Variants in MSRA observed in about 807,000 individuals in gnomAD.
The protein encoded by MSRA is mitochondrial peptide methionine sulfoxide reductase.
In MSRA, 54 loss-of-function variants were observed where a neutral mutation model predicts 31.3. The observed-to-expected ratio is 1.73, with a 90% CI of 1.39 to 2.17. The LOEUF (loss-of-function observed/expected upper bound fraction) is 2.17. Among genes scored for constraint, MSRA ranks in the 30% most tolerant of loss-of-function variants. MSRA has a pLI of 0.00. For missense variants in MSRA, 507 were observed against 300.9 expected (o/e 1.69, Z -5.07); for synonymous variants, 169 against 116.5 (o/e 1.45, Z -2.90).
At chr8:10,417,949 C>G (rs1276172446) in intron 5 of MSRA, among the ~76,000 whole-genome samples, 1 of 152,086 alleles carries the variant, frequency 6.6e-6, no homozygotes, top group African/African-American at 2.4e-5. Context: ...AGTCTAGAAT[C>G]CACATGCCCG....
chr8:10,354,097 C>T (rs1055862390), intron 5 of MSRA: 1 of 152,944 alleles, frequency 6.5e-6, no homozygotes, highest in African/African-American at 2.4e-5. Context: ...ATATGGTAAT[C>T]ATGAAATAGC....
chr8:10,272,313 C>G (rs1304306102), intron 3 of MSRA, among the ~76,000 whole-genome samples: 1 of 152,130 alleles, frequency 6.6e-6, no homozygotes, highest in African/African-American at 2.4e-5. Flanking sequence ...GTTCCAAGAT[C>G]TAAGCTGGAG....
intron 5 of MSRA, among the ~76,000 whole-genome samples, chr8:10,388,571 C>G (rs1346001506): frequency 6.6e-6 from 1 of 152,164 alleles, no homozygotes; most frequent in African/African-American, 2.4e-5. Flanking sequence ...CATCCGATCT[C>G]TCACTTTTCT....
chr8:10,067,867 T>C (rs1484812120), intron 1 of MSRA, among the ~76,000 whole-genome samples: 1 of 149,930 alleles, frequency 6.7e-6, no homozygotes, highest in Non-Finnish European at 1.5e-5. Context: ...GGTTGTTTTC[T>C]TACTGAGTTT....
At chr8:10,336,512 T>C (rs1165914627) in intron 5 of MSRA, among the ~76,000 whole-genome samples, 1 of 152,178 alleles carries the variant, frequency 6.6e-6, no homozygotes, top group Non-Finnish European at 1.5e-5. Flanking sequence ...TATGGTTATT[T>C]TTCCCTCTTG....
chr8:10,259,895 C>T (rs1798382171), intron 3 of MSRA, among the ~76,000 whole-genome samples: 1 of 152,208 alleles, frequency 6.6e-6, no homozygotes, highest in Non-Finnish European at 1.5e-5. Flanking sequence ...CTGCCCGCCT[C>T]ACCCCCTCTG....
intron 5 of MSRA, among the ~76,000 whole-genome samples, chr8:10,409,847 A>G (rs1283355237): frequency 1.3e-5 from 2 of 152,216 alleles, no homozygotes; most frequent in African/African-American, 2.4e-5. Flanking sequence ...GGATCACTTA[A>G]GGCTAGGAGT....
chr8:10,055,145 C>T (rs571740233), intron 1 of MSRA, among the ~76,000 whole-genome samples: 1 of 132,972 alleles, frequency 7.5e-6, no homozygotes, highest in Non-Finnish European at 1.6e-5. Flanking sequence ...AAGTGTGGAA[C>T]TGCGTCTCAG....
rs563077959 is a variant in MSRA, at chr8:10,103,128, A to G, written c.142+48470A>G. 1.6e-4 allele frequency among the ~76,000 whole-genome samples: 24 copies of G among 152,342 alleles called. 2 individuals carry two copies. In the South Asian group the frequency reaches 5.0e-3, roughly 32 times the overall value. The stretch of plus-strand genomic sequence containing the variant: ...TTAATTTAGAAAAATTATTTTTAAA[A>G]GGAGAGAATACGCTACCTGGGTAAG... On this transcript the variant is annotated intron_variant, in intron 1 of 5. Coordinates refer to ENST00000317173, the MANE Select transcript of MSRA (RefSeq NM_012331.5).
chr8:10,283,836 T>TATATATACACACACACACACAC (rs1261287031), intron 3 of MSRA, among the ~76,000 whole-genome samples: 38 of 53,144 alleles, frequency 7.2e-4, no homozygotes, highest in Non-Finnish European at 9.0e-4. Flanking sequence ...TATATATATA[T>TATATATACACACACACACACAC]ACACACACAC....
chr8:10,098,595 A>G (rs879508225), intron 1 of MSRA, among the ~76,000 whole-genome samples: 2 of 152,246 alleles, frequency 1.3e-5, no homozygotes, highest in Admixed American at 1.3e-4. Flanking sequence ...AGGCAGTACT[A>G]TAATGAGATT....
chr8:10,354,780 C>CAGTT (rs1354172830), intron 5 of MSRA, among the ~76,000 whole-genome samples: 1 of 129,080 alleles, frequency 7.7e-6, no homozygotes, highest in Non-Finnish European at 1.6e-5. Context: ...ATATATATAC[C>CAGTT]AGTTATATAA....
rs568085496 is a variant in MSRA at position 10,232,276 on chromosome 8, A to T, written c.212-12828A>T. Among the ~76,000 whole-genome samples, 12 of 152,322 alleles carry T rather than the reference A, an allele frequency of 7.9e-5. No homozygotes were observed. The South Asian group carries it at 2.5e-3, about 32-fold the overall frequency. ...AGCCTCCCTGTTGGTTTCCACTCTG[A>T]CAAGACAGACTGCTCTTCCTACCCC... On this transcript the variant is annotated intron_variant, in intron 2 of 5. Coordinates refer to ENST00000317173, the MANE Select transcript of MSRA (RefSeq NM_012331.5).
chr8:10,158,529 G>A (rs1804367787), intron 1 of MSRA, among the ~76,000 whole-genome samples: 1 of 152,228 alleles, frequency 6.6e-6, no homozygotes, highest in Non-Finnish European at 1.5e-5. Flanking sequence ...CATCTGTGTT[G>A]TAGCATGCAT....
chr8:10,181,176 C>G (rs1218078279), intron 1 of MSRA, among the ~76,000 whole-genome samples: 1 of 152,134 alleles, frequency 6.6e-6, no homozygotes, highest in African/African-American at 2.4e-5. Context: ...ATTATAATTT[C>G]AGATAGTGCT....
intron 1 of MSRA, among the ~76,000 whole-genome samples, chr8:10,188,627 T>A (rs1204335412): frequency 2.0e-5 from 3 of 152,222 alleles, no homozygotes; most frequent in Non-Finnish European, 4.4e-5. Flanking sequence ...CCCATTTAGA[T>A]ATACAGTTGT....
chr8:10,414,456 T>G (rs1808339251), intron 5 of MSRA, among the ~76,000 whole-genome samples: 1 of 152,228 alleles, frequency 6.6e-6, no homozygotes, highest in Non-Finnish European at 1.5e-5. Flanking sequence ...GCCAGGACTT[T>G]CCTAGCGTTG....
Position 10,351,962 on chromosome 8 carries a change from G to A in MSRA, c.543+31973G>A, listed in dbSNP as rs543575962. Among the ~76,000 whole-genome samples the A allele has an allele frequency of 7.9e-5, 12 of 152,336 alleles. No individual in the cohort carries two copies. In the South Asian group the frequency reaches 2.5e-3, roughly 32 times the overall value. On this transcript the variant is annotated intron_variant, in intron 5 of 5. Transcript: ENST00000317173. ...GAACCCAGCTGTGTGGTTGTTGACT[G>A]CGATGAGGATCGCACTGACTTAGAA...
chr8:10,345,709 C>A (rs1003383176), intron 5 of MSRA, among the ~76,000 whole-genome samples: 6 of 152,078 alleles, frequency 3.9e-5, no homozygotes, highest in African/African-American at 1.4e-4. Context: ...ATGAGAAGTG[C>A]GTTATTCGGG....
Sources: gnomAD v4.1 joint callset for allele counts (sites outside exome capture counted in the v4.1 genomes callset) on GRCh38, gnomAD v4.1.1 for gene constraint, MANE v1.5 for transcripts, NCBI Gene and HGNC (gene_info 2026-07-23, HGNC 2026-07-21) for gene names.